Variants in KRT23 observed in about 807,000 individuals in gnomAD.
KRT23 encodes keratin, type I cytoskeletal 23.
In KRT23, 38 loss-of-function variants were observed where a neutral mutation model predicts 47.6. The ratio of observed to expected loss-of-function variants is 0.80; its 90% confidence interval spans 0.62 to 1.05. The LOEUF is 1.05. Ranked by LOEUF, KRT23 falls within the 50% of genes least tolerant of loss-of-function variation. The pLI, the probability that KRT23 is intolerant of heterozygous loss-of-function variation, is 0.00. For synonymous variants in KRT23, 191 were observed against 199.0 expected, an observed-to-expected ratio of 0.96 and a Z score of 0.34; for missense variants, 503 against 529.5, an observed-to-expected ratio of 0.95 and a Z score of 0.49.
rs192888487 is a variant in KRT23, at chr17:40,937,081, A to G, written c.-350-128T>C. On this transcript the variant is annotated intron_variant, in intron 1 of 8. Transcript: ENST00000209718. ...CAACAGCAACAAAAAACCAGACATTAAACAACAGAGATACACACACCTTTT... is the reference window on the plus strand; with the variant it reads ...CAACAGCAACAAAAAACCAGACATTGAACAACAGAGATACACACACCTTTT... 1.7e-3 allele frequency: 262 copies of G among 154,556 alleles called. 4 individuals are homozygous for G. In the South Asian group the frequency reaches 0.025, roughly 15 times the overall value. The allele number at this position is 154,556 out of a possible 1,614,324, so 9.6% of individuals were successfully genotyped here.
Position 40,937,390 on chromosome 17 carries a change from A to G in KRT23, c.-395T>C, listed in dbSNP as rs1910165403. ...TTTCATCCCAGCACACCTCAAAACC[A>G]AACAACCCTGGCCTGCGCTCAGGAT... On this transcript the variant is annotated 5_prime_UTR_variant, in exon 1 of 9. Coordinates refer to ENST00000209718, the MANE Select transcript of KRT23 (RefSeq NM_015515.5). 6.6e-6 allele frequency: 1 copy of G among 152,254 alleles called. No homozygotes were observed. The highest frequency in any genetic ancestry group is 1.5e-5 in the Non-Finnish European group (1 of 68,098). The allele number at this position is 152,254 out of a possible 1,614,324, so 9.4% of individuals were successfully genotyped here. A position where few individuals can be genotyped will look rare whatever the true frequency, so the allele number is the denominator to read the frequency against.
Position 40,928,497 on chromosome 17 carries a change from C to T in KRT23, c.747G>A (p.Glu249=). The part of the protein sequence containing the change: ...KVLEDMRQEY[E]LIIKKKHRDL... ...CTCGATGCTTCTTCTTTATTATAAG[C>T]TCATATTCTTGTCTCATATCCTCCA... is the stretch of plus-strand genomic sequence containing the variant. Residue 249 remains glutamate (E), a synonymous_variant, in exon 5 of 9, where the codon GAG becomes GAA. Transcript: ENST00000209718. 1.2e-6 allele frequency: 2 copies of T among 1,614,128 alleles called. No homozygotes were observed. Among genetic ancestry groups the T allele is most frequent in the Middle Eastern group, 1.6e-4 (1 of 6,062 alleles).
chr17:40,925,660 G>A (rs1909185869), intron 6 of KRT23, 86 bp from the exon 7 acceptor site: 9 of 1,009,886 alleles, frequency 8.9e-6, no homozygotes, highest in South Asian at 8.6e-5. Context: ...AGCAGATGTC[G>A]ACCAGTTGGC....
chr17:40,931,624 C>T (rs904173599), intron 2 of KRT23, among the ~76,000 whole-genome samples, 169 bp from the exon 3 acceptor site: 9 of 152,194 alleles, frequency 5.9e-5, no homozygotes, highest in Admixed American at 3.9e-4. Context: ...GCTTAGTGAG[C>T]ACATACTAGG....
Position 40,925,534 on chromosome 17 carries a change from C to G in KRT23, c.962G>C (p.Arg321Pro). ...LENMLSETQS[R>P]YSCKLQDMQE... Reference sequence around the variant, plus strand: ...CATGTCCTGGAGCTTGCAGGAGTACCGAGACTGGGTCTCGGATAACATGTT... The same window carrying G: ...CATGTCCTGGAGCTTGCAGGAGTACGGAGACTGGGTCTCGGATAACATGTT... The change falls in exon 7 of 9, where the codon CGG becomes CCG. Residue 321 changes from arginine to proline, a missense_variant. Coordinates refer to ENST00000209718, the MANE Select transcript of KRT23 (RefSeq NM_015515.5). 6.2e-7 allele frequency: 1 copy of G among 1,614,082 alleles called. No homozygotes were observed. The highest frequency in any genetic ancestry group is 8.5e-7 in the Non-Finnish European group (1 of 1,179,994).
chr17:40,928,191 G>T (rs375093279), intron 6 of KRT23, 47 bp downstream of exon 6: 21 of 1,611,544 alleles, frequency 1.3e-5, no homozygotes, highest in Non-Finnish European at 1.7e-5. Context: ...AGAAGGCTTC[G>T]TGAAGGAGGT....
In KRT23 at chr17:40,928,229, T is replaced by C. The variant is rs1184630535; in HGVS notation, c.921+9A>G. The stretch of plus-strand genomic sequence containing the variant: ...TGTGGGATTCACGGTTTTCCTAGCC[T>C]TGACTCACCGTGCTGTACTGTGTCT... On this transcript the variant is annotated intron_variant, in intron 6 of 8. Coordinates refer to ENST00000209718, the MANE Select transcript of KRT23 (RefSeq NM_015515.5). 1 of 1,614,038 alleles carries C rather than the reference T, an allele frequency of 6.2e-7. No individual in the cohort carries two copies. Among genetic ancestry groups the C allele is most frequent in the Non-Finnish European group, 8.5e-7 (1 of 1,179,992 alleles).
intron 8 of KRT23, among the ~76,000 whole-genome samples, chr17:40,923,480 A>G (rs1263159606): frequency 6.6e-6 from 1 of 152,248 alleles, no homozygotes; most frequent in Non-Finnish European, 1.5e-5. Flanking sequence ...AAAGCATGCC[A>G]CATGAGGAAT....
intron 8 of KRT23, among the ~76,000 whole-genome samples, chr17:40,923,471 A>C (rs1322413216): frequency 6.6e-6 from 1 of 152,238 alleles, no homozygotes; most frequent in Non-Finnish European, 1.5e-5. Context: ...AAAGTCTAGA[A>C]AGCATGCCAC....
rs562247342 is a variant in KRT23 at position 40,926,129 on chromosome 17, T to TA, written c.922-556dup. ...CAATGCTTTTTGATTATGACGATGG[T>TA]AAAAAAAAAAAATGTCATTTTTTGA... On this transcript the variant is annotated intron_variant, in intron 6 of 8. Coordinates refer to ENST00000209718, the MANE Select transcript of KRT23 (RefSeq NM_015515.5). Among the ~76,000 whole-genome samples the TA allele has an allele frequency of 5.9e-3, 860 of 146,462 alleles. 1 individual carries two copies. The highest frequency in any genetic ancestry group is 0.017 in the African/African-American group (668 of 40,142).
At chr17:40,924,448 C>G (rs551835306) in intron 8 of KRT23, 24 bp downstream of exon 8, 2 of 1,597,414 alleles carry the variant, frequency 1.3e-6, no homozygotes, top group African/African-American at 2.7e-5. Flanking sequence ...AACAGAGATT[C>G]AAACAATGAA....
intron 2 of KRT23, among the ~76,000 whole-genome samples, chr17:40,935,138 C>A (rs1212504953): frequency 1.1e-4 from 16 of 142,892 alleles, no homozygotes; most frequent in Non-Finnish European, 2.0e-4. Flanking sequence ...ATAAAGACAA[C>A]CATGCACTAT....
rs906656970 is a variant in KRT23 at position 40,936,803 on chromosome 17, G to A, written c.-200C>T. On this transcript the variant is annotated 5_prime_UTR_variant, in exon 2 of 9. Transcript: ENST00000209718. ...AATCCCAAAGTGCCCCTGGGCCTTC[G>A]CACACTGTTGTTGTTTAGAGCCACA... The A allele has an allele frequency of 3.6e-5, 16 of 445,154 alleles. No homozygotes were observed. Among genetic ancestry groups the A allele is most frequent in the Middle Eastern group, 5.8e-4 (1 of 1,726 alleles). 27.6% of individuals were successfully genotyped at this position (445,154 alleles called of 1,614,324 possible).
intron 2 of KRT23, 49 bp from the exon 3 acceptor site, chr17:40,931,504 C>T (rs770811163): frequency 8.5e-6 from 11 of 1,297,010 alleles, no homozygotes; most frequent in African/African-American, 1.5e-5. Flanking sequence ...TTGGACACAC[C>T]CACACATGAC....
In KRT23 at chr17:40,936,455, C is replaced by T. The variant is rs148371500; in HGVS notation, c.149G>A (p.Arg50Gln). The T allele has an allele frequency of 7.5e-6, 12 of 1,603,190 alleles. No homozygotes were observed. In the South Asian group the frequency reaches 7.8e-5, roughly 10 times the overall value. The change falls in exon 2 of 9, where the codon CGG becomes CAG. Residue 50 changes from arginine to glutamine, a missense_variant. Coordinates refer to ENST00000209718, the MANE Select transcript of KRT23 (RefSeq NM_015515.5). ...GARISLSFTT[R>Q]SCPPPGGSWG... ...AGACCCTCCAGGGGGTGGGCAGCTC[C>T]GCGTGGTGAAGGACAGGGAGATGCG...
Position 40,936,318 on chromosome 17 carries a change from C to T in KRT23, c.286G>A (p.Ala96Thr), listed in dbSNP as rs767122387. ...YLEKVRALEE[A>T]NMKLESRILK... ...ATGCGGCTTTCCAGCTTCATGTTGG[C>T]CTCCTCCAGGGCGCGAACCTTCTCC... The change falls in exon 2 of 9, where the codon GCC becomes ACC. Residue 96 changes from alanine (A) to threonine (T), a missense_variant. By Grantham distance (58) the Ala-to-Thr change is moderately conservative (BLOSUM62 0). Transcript: ENST00000209718. The T allele has an allele frequency of 1.9e-6, 3 of 1,614,224 alleles. No homozygotes were observed. Among genetic ancestry groups the T allele is most frequent in the Non-Finnish European group, 2.5e-6 (3 of 1,180,040 alleles).
chr17:40,929,976 C>T lies in KRT23; in HGVS notation c.600G>A (p.Arg200=). ...GCTTCTTCATGAGAATGAGCTCTTTCCTCATTCCTTCCACCTCCTGTTCTA... is the reference window on the plus strand; with the variant it reads ...GCTTCTTCATGAGAATGAGCTCTTTTCTCATTCCTTCCACCTCCTGTTCTA... The part of the protein sequence containing the change: ...TDLEQEVEGM[R]KELILMKKHH... Residue 200 remains arginine (R), a synonymous_variant, in exon 4 of 9, where the codon AGG becomes AGA. Coordinates refer to ENST00000209718, the MANE Select transcript of KRT23 (RefSeq NM_015515.5). 1.9e-6 allele frequency: 3 copies of T among 1,614,140 alleles called. No homozygotes were observed. Among genetic ancestry groups the T allele is most frequent in the Non-Finnish European group, 2.5e-6 (3 of 1,180,006 alleles).
chr17:40,922,897 G>T lies in KRT23; in HGVS notation c.*92C>A. On this transcript the variant is annotated 3_prime_UTR_variant, in exon 9 of 9. Transcript: ENST00000209718. ...AAGTTTCTGAGTCTGATAATTCCAAGGGTATCTTTTAGAACTCACTCACTG... is the reference window on the plus strand; with the variant it reads ...AAGTTTCTGAGTCTGATAATTCCAATGGTATCTTTTAGAACTCACTCACTG... 3.5e-6 allele frequency: 3 copies of T among 847,836 alleles called. No homozygotes were observed. In the South Asian group the frequency reaches 4.6e-5, roughly 13 times the overall value. The allele number at this position is 847,836 out of a possible 1,614,324, so 52.5% of individuals were successfully genotyped here. A position where few individuals can be genotyped will look rare whatever the true frequency, so the allele number is the denominator to read the frequency against.
Position 40,924,460 on chromosome 17 carries a change from G to A in KRT23, c.1174+12C>T, listed in dbSNP as rs757623086. 1.2e-6 allele frequency: 2 copies of A among 1,609,164 alleles called. No individual in the cohort carries two copies. Among genetic ancestry groups the A allele is most frequent in the Admixed American group, 1.7e-5 (1 of 59,986 alleles). On this transcript the variant is annotated intron_variant, in intron 8 of 8. Transcript: ENST00000209718. ...AAAAACAGAGATTCAAACAATGAAGGAAATTTTTTACCTTTCATGCTCGAC... is the reference window on the plus strand; with the variant it reads ...AAAAACAGAGATTCAAACAATGAAGAAAATTTTTTACCTTTCATGCTCGAC...
Sources: allele counts gnomAD v4.1 joint callset (sites outside exome capture counted in the v4.1 genomes callset), GRCh38; gene constraint gnomAD v4.1.1; transcripts MANE v1.5; gene names NCBI Gene and HGNC (gene_info 2026-07-23, HGNC 2026-07-21).